The following INPP4B variants were observed in gnomAD, a reference collection of about 807,000 sequenced individuals.
INPP4B encodes inositol polyphosphate 4-phosphatase type II.
In INPP4B, 55 loss-of-function variants were observed where a neutral mutation model predicts 122.5. The ratio of observed to expected loss-of-function variants is 0.45; its 90% confidence interval spans 0.36 to 0.56. The LOEUF (loss-of-function observed/expected upper bound fraction) is 0.56. INPP4B is among the 20% of genes least tolerant of loss of function. The pLI is 0.00. For missense variants in INPP4B, 1,000 were observed against 1,097.7 expected (o/e 0.91, Z 1.26); for synonymous variants, 403 against 388.7 (o/e 1.04, Z -0.43).
chr4:142,063,112 G>A (rs1396758469), intron 25 of INPP4B, among the ~76,000 whole-genome samples: 1 of 152,078 alleles, frequency 6.6e-6, no homozygotes, highest in Non-Finnish European at 1.5e-5. Context: ...TTTTTGCAGG[G>A]ATGTGGCAAA....
intron 2 of INPP4B, among the ~76,000 whole-genome samples, chr4:142,654,847 CA>C (rs1753829562): frequency 6.6e-6 from 1 of 152,134 alleles, no homozygotes; most frequent in Admixed American, 6.5e-5. Flanking sequence ...ATCCTGTCTT[CA>C]AAATAATGTT....
chr4:142,556,441 T>G (rs1729195316), intron 2 of INPP4B, among the ~76,000 whole-genome samples: 1 of 152,142 alleles, frequency 6.6e-6, no homozygotes, highest in South Asian at 2.1e-4. Flanking sequence ...TTATGGTAAT[T>G]TAAATAGAAG....
chr4:142,206,381 C>A (rs1429044395), intron 14 of INPP4B, among the ~76,000 whole-genome samples: 1 of 142,370 alleles, frequency 7.0e-6, no homozygotes, highest in South Asian at 2.2e-4. Context: ...TCAGTTCTTT[C>A]ACTTGACATA....
intron 2 of INPP4B, among the ~76,000 whole-genome samples, chr4:142,490,611 T>A (rs1821757659): frequency 6.6e-6 from 1 of 152,134 alleles, no homozygotes; most frequent in South Asian, 2.1e-4. Context: ...ATATTGTTAT[T>A]AACTATAGTC....
intron 7 of INPP4B, among the ~76,000 whole-genome samples, chr4:142,366,625 TAGG>T (rs1460630104): frequency 6.6e-6 from 1 of 152,080 alleles, no homozygotes; most frequent in Non-Finnish European, 1.5e-5. Context: ...GGAATAAAAA[TAGG>T]AGGATTCAGT....
chr4:142,323,823 TA>T (rs1214188543), intron 7 of INPP4B, among the ~76,000 whole-genome samples: 1 of 151,804 alleles, frequency 6.6e-6, no homozygotes, highest in Non-Finnish European at 1.5e-5. Context: ...GCCCCCTTTT[TA>T]TGTGAGGCAA....
chr4:142,441,334 A>T (rs944677508), intron 3 of INPP4B, among the ~76,000 whole-genome samples: 1 of 152,184 alleles, frequency 6.6e-6, no homozygotes, highest in African/African-American at 2.4e-5. Flanking sequence ...GAATTACCTG[A>T]TGTTGGTGAT....
intron 2 of INPP4B, among the ~76,000 whole-genome samples, chr4:142,705,381 T>G (rs970227376): frequency 2.0e-5 from 3 of 151,874 alleles, no homozygotes; most frequent in Non-Finnish European, 4.4e-5. Context: ...ACTGAAGCCA[T>G]GAACTTAATT....
At chr4:142,487,437 C>T (rs1209950607) in intron 2 of INPP4B, among the ~76,000 whole-genome samples, 2 of 152,070 alleles carry the variant, frequency 1.3e-5, no homozygotes, top group Non-Finnish European at 2.9e-5. Context: ...TATTCTTGAT[C>T]CTGTGGATTT....
At chr4:142,677,956 T>C (rs1383177621) in intron 2 of INPP4B, among the ~76,000 whole-genome samples, 3 of 151,922 alleles carry the variant, frequency 2.0e-5, no homozygotes, top group Non-Finnish European at 4.4e-5. Context: ...AACCTGCACG[T>C]TCTGCACATG....
chr4:142,301,721 T>C (rs28380511), intron 9 of INPP4B, among the ~76,000 whole-genome samples: 33,391 of 152,042 alleles, frequency 0.22, 4,888 homozygotes, highest in African/African-American at 0.42. Context: ...AAATGTTTGC[T>C]GAATGAATGA....
chr4:142,736,594 CTGTT>C (rs1766942613), intron 1 of INPP4B, among the ~76,000 whole-genome samples: 2 of 152,068 alleles, frequency 1.3e-5, no homozygotes, highest in Admixed American at 6.6e-5. Flanking sequence ...ATTTGGCTCT[CTGTT>C]TGTCTGTTAT....
chr4:142,743,732 G>T (rs935545770), intron 1 of INPP4B, among the ~76,000 whole-genome samples: 4 of 151,850 alleles, frequency 2.6e-5, no homozygotes, highest in Non-Finnish European at 4.4e-5. Context: ...GCTAAATCTT[G>T]ACAAGATCTA....
chr4:142,695,234 T>C (rs1470138614), intron 2 of INPP4B, among the ~76,000 whole-genome samples: 2 of 152,074 alleles, frequency 1.3e-5, no homozygotes, highest in Non-Finnish European at 2.9e-5. Flanking sequence ...GATAATAAAG[T>C]TCTAAAACTG....
intron 2 of INPP4B, among the ~76,000 whole-genome samples, chr4:142,694,443 CTT>C (rs1760734152): frequency 6.6e-6 from 1 of 150,854 alleles, no homozygotes; most frequent in Non-Finnish European, 1.5e-5. Flanking sequence ...GTTCACATGT[CTT>C]TAATAATCTT....
chr4:142,420,338 G>A (rs1806603309), intron 5 of INPP4B, among the ~76,000 whole-genome samples: 1 of 152,082 alleles, frequency 6.6e-6, no homozygotes, highest in African/African-American at 2.4e-5. Flanking sequence ...AAGTGGGAGA[G>A]AAAAGTTTGA....
intron 12 of INPP4B, among the ~76,000 whole-genome samples, chr4:142,236,041 C>T (rs1856569562): frequency 6.6e-6 from 1 of 152,160 alleles, no homozygotes; most frequent in South Asian, 2.1e-4. Context: ...AGCCCTAGTC[C>T]TAAATTATTA....
At position 142,106,955 on chromosome 4, in the gene INPP4B, TATA is replaced by T. The variant is rs558470346; in HGVS notation, c.2374+1135_2374+1137del. Among the ~76,000 whole-genome samples, 367 of 152,176 alleles carry T rather than the reference TATA, an allele frequency of 2.4e-3. 1 individual carries two copies. The highest frequency in any genetic ancestry group is 2.2e-3 in the Non-Finnish European group (150 of 68,028). On this transcript the variant is annotated intron_variant, in intron 23 of 25. Transcript: ENST00000262992. ...GTTAAAAAATAATTAACATTCAAGT[TATA>T]ATAAACTCTTTTTTTTCATTAATTG...
intron 25 of INPP4B, among the ~76,000 whole-genome samples, chr4:142,032,935 CT>C (rs147654038): frequency 2.6e-4 from 39 of 148,860 alleles, no homozygotes; most frequent in South Asian, 8.6e-4. Context: ...TCCCTCCTGC[CT>C]TTTTTTTTTC....
Sources: gnomAD v4.1 joint callset for allele counts (sites outside exome capture counted in the v4.1 genomes callset) on GRCh38, gnomAD v4.1.1 for gene constraint, MANE v1.5 for transcripts, NCBI Gene and HGNC (gene_info 2026-07-23, HGNC 2026-07-21) for gene names.